The following IFT122 variants were observed in gnomAD, a reference collection of about 807,000 sequenced individuals.
The protein encoded by IFT122 is intraflagellar transport protein 122 homolog.
IFT122 carries 118 observed loss-of-function variants against 161.6 expected under a neutral mutation model. The ratio of observed to expected loss-of-function variants is 0.73; its 90% CI spans 0.63 to 0.85. The LOEUF (loss-of-function observed/expected upper bound fraction) is 0.85. Among genes scored for constraint, IFT122 ranks in the 40% least tolerant of loss-of-function variants. IFT122 has a pLI of 0.00. For synonymous variants in IFT122, 550 were observed against 602.4 expected, an observed-to-expected ratio of 0.91 and a Z score of 1.27; for missense variants, 1,381 against 1,579.6, an observed-to-expected ratio of 0.87 and a Z score of 2.13.
chr3:129,459,442 A>T, intron 4 of IFT122: 1 of 330,104 alleles, frequency 3.0e-6, no homozygotes, highest in Non-Finnish European at 5.9e-6. Flanking sequence ...GGCGCTCACC[A>T]CCATGCCAGG....
intron 3 of IFT122, among the ~76,000 whole-genome samples, chr3:129,452,535 TC>T (rs751441796): frequency 1.2e-4 from 19 of 152,136 alleles, no homozygotes; most frequent in Admixed American, 2.6e-4. Context: ...CCAGTGGGCA[TC>T]GGGGGGAAGA....
Position 129,464,708 on chromosome 3 carries a change from G to A in IFT122, c.490G>A (p.Glu164Lys), listed in dbSNP as rs372255149. 6 of 1,613,628 alleles carry A rather than the reference G, an allele frequency of 3.7e-6. No individual in the cohort carries two copies. Among genetic ancestry groups the A allele is most frequent in the South Asian group, 1.1e-5 (1 of 91,078 alleles). ...GIISIRNKNG[E>K]EKVKIERPGG... is the part of the protein sequence containing the mutation. Reference sequence around the variant, plus strand: ...CATCAGCATACGGAACAAAAATGGCGAGGAGAAAGTAAAGATCGAGCGGCC... The same window carrying A: ...CATCAGCATACGGAACAAAAATGGCAAGGAGAAAGTAAAGATCGAGCGGCC... Residue 164 changes from glutamate to lysine, a missense_variant, in exon 7 of 30, where the codon GAG (glutamate) becomes AAG (lysine). Physicochemically the swap from Glu to Lys is moderately conservative, Grantham distance 56. Coordinates refer to ENST00000348417, the MANE Select transcript of IFT122 (RefSeq NM_052989.3).
chr3:129,457,247 C>G (rs1294359964), intron 3 of IFT122, among the ~76,000 whole-genome samples: 2 of 152,208 alleles, frequency 1.3e-5, no homozygotes, highest in Non-Finnish European at 2.9e-5. Flanking sequence ...TTGCCTCTCT[C>G]CAGTCTGTTC....
chr3:129,510,625 C>T (rs1435630033), intron 23 of IFT122, among the ~76,000 whole-genome samples: 1 of 152,166 alleles, frequency 6.6e-6, no homozygotes. Context: ...AGACTTTTCT[C>T]TCGCTGCTCC....
rs1376110483 is a variant in IFT122 at position 129,519,661 on chromosome 3, C to T, written c.3565C>T (p.Pro1189Ser). 1.9e-6 allele frequency: 3 copies of T among 1,613,800 alleles called. No individual in the cohort carries two copies. The highest frequency in any genetic ancestry group is 1.7e-6 in the Non-Finnish European group (2 of 1,180,028). Residue 1189 changes from proline (P) to serine (S), a missense_variant, in exon 29 of 30, where the codon CCC (proline) becomes TCC (serine). Around this residue, in one of 7 missense-constraint regions of IFT122, gnomAD observed 177 missense variants for 199.2 expected, o/e 0.89. Transcript: ENST00000348417. ...RDVLIKRWPP[P>S]LRWQYFRSLL... ...TGTCCTCATCAAGCGATGGCCCCCA[C>T]CCCTGAGGTGGCAATACTTCCGCTC...
At chr3:129,449,668 A>C in intron 1 of IFT122, among the ~76,000 whole-genome samples, 1 of 152,262 alleles carries the variant, frequency 6.6e-6, no homozygotes, top group East Asian at 1.9e-4. Context: ...ACAAAGAGCT[A>C]ACTACTGAGT....
intron 29 of IFT122, 57 bp from the exon 30 acceptor site, chr3:129,520,119 G>C: frequency 7.0e-7 from 1 of 1,437,084 alleles, no homozygotes; most frequent in South Asian, 1.2e-5. Context: ...CTGGCCCCAG[G>C]CGTAGGGCTG....
At chr3:129,481,810 C>T in intron 14 of IFT122, 116 bp downstream of exon 14, 2 of 1,128,304 alleles carry the variant, frequency 1.8e-6, no homozygotes, top group Non-Finnish European at 2.6e-6. Context: ...CTGGGAGGGG[C>T]AGGGGCCAAG....
chr3:129,448,105 ATCT>A (rs1183407693), intron 1 of IFT122, among the ~76,000 whole-genome samples: 1 of 152,156 alleles, frequency 6.6e-6, no homozygotes, highest in East Asian at 1.9e-4. Context: ...TTTTTCAAAT[ATCT>A]TCTTCATTAA....
In IFT122 at chr3:129,476,309, C is replaced by T. The variant is rs1400560646; in HGVS notation, c.817-6C>T. The T allele has an allele frequency of 1.2e-6, 2 of 1,614,120 alleles. No homozygotes were observed. Among genetic ancestry groups the T allele is most frequent in the African/African-American group, 2.7e-5 (2 of 75,030 alleles). On this transcript the variant is annotated splice_region_variant and splice_polypyrimidine_tract_variant and intron_variant, in intron 9 of 29. Transcript: ENST00000348417. ...TTTTCCCTTGCTGTGTGTTCTTTTT[C>T]CTCAGATTGGAAAGGATCGGGCACT...
At chr3:129,516,580 G>C (rs111163508) in intron 26 of IFT122, among the ~76,000 whole-genome samples, 22,440 of 63,280 alleles carry the variant, frequency 0.35, 5,520 homozygotes, top group African/African-American at 0.69. Context: ...CACACACACA[G>C]AGAGACTGCC....
chr3:129,464,041 GCTTTACGTTC>G (rs2076450326), intron 6 of IFT122, among the ~76,000 whole-genome samples: 1 of 152,216 alleles, frequency 6.6e-6, no homozygotes, highest in Non-Finnish European at 1.5e-5. Flanking sequence ...CTGAGCTGGA[GCTTTACGTTC>G]CTCATCTGAC....
chr3:129,442,327 G>C (rs189212692), intron 1 of IFT122, among the ~76,000 whole-genome samples: 1 of 152,216 alleles, frequency 6.6e-6, no homozygotes. Context: ...TTATTCTAGA[G>C]ACAGGTCAGT....
intron 9 of IFT122, among the ~76,000 whole-genome samples, chr3:129,474,983 C>A (rs2077742423): frequency 1.3e-5 from 2 of 152,074 alleles, no homozygotes; most frequent in African/African-American, 4.8e-5. Context: ...TGGGACCCCA[C>A]CTCTAAAAAA....
intron 3 of IFT122, among the ~76,000 whole-genome samples, chr3:129,455,661 A>G (rs943135355): frequency 4.6e-5 from 7 of 152,158 alleles, no homozygotes; most frequent in Non-Finnish European, 1.0e-4. Context: ...AAAAATCTGC[A>G]TGTAATTTCT....
chr3:129,492,554 T>C (rs1248527160), intron 17 of IFT122, among the ~76,000 whole-genome samples: 1 of 152,192 alleles, frequency 6.6e-6, no homozygotes, highest in Non-Finnish European at 1.5e-5. Context: ...CACCATCCTC[T>C]CAGACTCCAG....
In IFT122 at chr3:129,488,185, C is replaced by T. The variant is rs970873365; in HGVS notation, c.1852-72C>T. 1.9e-6 allele frequency: 3 copies of T among 1,611,810 alleles called. No individual in the cohort carries two copies. The Admixed American group carries it at 5.0e-5, about 27-fold the overall frequency. ...ATCATCCCACGCATCTGGAGGCAGG[C>T]TCTGTATGCATCTGGTTCTTTCCAT... On this transcript the variant is annotated intron_variant, in intron 15 of 29. Transcript: ENST00000348417.
chr3:129,520,069 G>A, intron 29 of IFT122, 107 bp from the exon 30 acceptor site: 1 of 903,402 alleles, frequency 1.1e-6, no homozygotes, highest in Non-Finnish European at 1.8e-6. Context: ...GTCCAGCCCT[G>A]ACCACTGCCA....
intron 7 of IFT122, 33 bp downstream of exon 7, chr3:129,464,814 A>G: frequency 6.2e-7 from 1 of 1,613,012 alleles, no homozygotes; most frequent in Non-Finnish European, 8.5e-7. Context: ...TCTAGAACAA[A>G]CACCATCATG....
Sources: allele counts gnomAD v4.1 joint callset (sites outside exome capture counted in the v4.1 genomes callset), GRCh38; gene constraint gnomAD v4.1.1; regional missense constraint gnomAD v4.1.1; transcripts MANE v1.5; gene names NCBI Gene and HGNC (gene_info 2026-07-23, HGNC 2026-07-21).